Variants in NME5 observed in about 807,000 individuals in gnomAD.
NME5 encodes NME/NM23 family member 5.
Under a neutral mutation model 21.6 loss-of-function variants are expected in NME5, and 18 were observed. The observed-to-expected ratio is 0.83, with a 90% CI of 0.58 to 1.24. The LOEUF is 1.24. NME5 is among the 50% of genes most tolerant of loss of function. The pLI, the probability that NME5 is intolerant of heterozygous loss-of-function variation, is 0.00. For missense variants in NME5, 223 were observed against 255.4 expected (o/e 0.87, Z 0.86); for synonymous variants, 70 against 80.6 (o/e 0.87, Z 0.71).
Position 138,128,578 on chromosome 5 carries a change from G to C in NME5, c.337C>G (p.Leu113Val). The stretch of plus-strand genomic sequence containing the variant: ...TCATCTGTGCCATAAATTGCCCTCA[G>C]ACTAAAAACAAGTTAGAGATGACGT... Reference protein sequence around the residue: ...LVAKETHPDSLRAIYGTDDLR... With the variant: ...LVAKETHPDSVRAIYGTDDLR... Residue 113 changes from leucine to valine, a missense_variant and splice_region_variant, in exon 4 of 6, where the codon CTG becomes GTG. Transcript: ENST00000265191. The C allele has an allele frequency of 6.2e-7, 1 of 1,605,902 alleles. No homozygotes were observed. The highest frequency in any genetic ancestry group is 8.5e-7 in the Non-Finnish European group (1 of 1,176,318).
chr5:138,135,538 T>C (rs1398250180), intron 2 of NME5, among the ~76,000 whole-genome samples: 2 of 151,864 alleles, frequency 1.3e-5, no homozygotes, highest in Non-Finnish European at 1.5e-5. Flanking sequence ...TTTCACCATG[T>C]TGGTCAGGCT....
intron 2 of NME5, among the ~76,000 whole-genome samples, chr5:138,138,088 T>C (rs2151173162): frequency 6.6e-6 from 1 of 152,344 alleles, no homozygotes; most frequent in South Asian, 2.1e-4. Flanking sequence ...GCTATTTATA[T>C]TCACTTTCAA....
At chr5:138,130,606 T>C (rs1290264042) in intron 2 of NME5, among the ~76,000 whole-genome samples, 4 of 151,984 alleles carry the variant, frequency 2.6e-5, no homozygotes, top group Admixed American at 1.3e-4. Context: ...CTGGCCAACA[T>C]AGTGAAACCC....
chr5:138,121,981 C>T (rs538139621), intron 4 of NME5, among the ~76,000 whole-genome samples: 3 of 152,192 alleles, frequency 2.0e-5, no homozygotes, highest in East Asian at 1.9e-4. Context: ...GAATGAGCCA[C>T]TGCACCCAAC....
intron 4 of NME5, chr5:138,123,239 T>C (rs1461682204): frequency 6.6e-6 from 1 of 152,222 alleles, no homozygotes; most frequent in Non-Finnish European, 1.5e-5. Context: ...ATACTTATCT[T>C]TTTTTGTGGT....
chr5:138,129,567 T>G, intron 2 of NME5, 99 bp from the exon 3 acceptor site: 1 of 757,010 alleles, frequency 1.3e-6, no homozygotes, highest in Admixed American at 2.4e-5. Context: ...AATCTGATTA[T>G]AACTTCAAGG....
In NME5 at chr5:138,117,396, G is replaced by C. The variant is rs1319697818; in HGVS notation, c.555+1422C>G. Among the ~76,000 whole-genome samples, 4 of 151,782 alleles carry C rather than the reference G, an allele frequency of 2.6e-5. No individual in the cohort carries two copies. The South Asian group carries it at 8.3e-4, about 32-fold the overall frequency. ...AATGAAAAATGTTTATACATTAAAG[G>C]ACATTATCAAGAAAGTGAAAAGACA... On this transcript the variant is annotated intron_variant, in intron 5 of 5. Coordinates refer to ENST00000265191, the MANE Select transcript of NME5 (RefSeq NM_003551.3).
intron 4 of NME5, among the ~76,000 whole-genome samples, chr5:138,127,908 G>C (rs1016690885): frequency 6.6e-6 from 1 of 152,130 alleles, no homozygotes; most frequent in African/African-American, 2.4e-5. Context: ...TCTAATGCAA[G>C]AGAAAAGAAA....
intron 4 of NME5, among the ~76,000 whole-genome samples, chr5:138,125,353 G>A (rs537133928): frequency 1.3e-5 from 2 of 152,258 alleles, no homozygotes; most frequent in African/African-American, 4.8e-5. Context: ...CTTTGAATTA[G>A]CCATTTATAT....
chr5:138,125,949 TA>T (rs1206160156), intron 4 of NME5, among the ~76,000 whole-genome samples: 1 of 152,234 alleles, frequency 6.6e-6, no homozygotes. Context: ...AACATGCCTT[TA>T]AATATCTTGA....
rs185067297 is a variant in NME5 at position 138,119,620 on chromosome 5, C to T, written c.437-684G>A. 3.6e-3 allele frequency among the ~76,000 whole-genome samples: 541 copies of T among 152,038 alleles called. 1 individual carries two copies. The highest frequency in any genetic ancestry group is 5.9e-3 in the Non-Finnish European group (402 of 67,974). ...AAAGTGCTGAGATTACAGGCATGAG[C>T]CACTGCAACCAGCCTGTTTTCTTTT... is the stretch of plus-strand genomic sequence containing the variant. On this transcript the variant is annotated intron_variant, in intron 4 of 5. Coordinates refer to ENST00000265191, the MANE Select transcript of NME5 (RefSeq NM_003551.3).
intron 4 of NME5, among the ~76,000 whole-genome samples, chr5:138,125,683 C>A (rs755428929): frequency 1.3e-5 from 2 of 152,196 alleles, no homozygotes; most frequent in Non-Finnish European, 2.9e-5. Context: ...GGTACAATCT[C>A]GGCTCACTGT....
chr5:138,131,204 T>TAAAAAAAAAAAA (rs762579967), intron 2 of NME5, among the ~76,000 whole-genome samples: 24 of 80,874 alleles, frequency 3.0e-4, no homozygotes, highest in African/African-American at 1.4e-3. Context: ...CCGTCTCTGC[T>TAAAAAAAAAAAA]AAAAAAAAAA....
At position 138,138,768 on chromosome 5, in the gene NME5, T is replaced by C; in HGVS notation, c.13A>G (p.Met5Val). ...TCTACATATATCTGAGGTGGAGGCA[T>C]TGATATCTCCATTATGGCTTTTCAG... The part of the protein sequence containing the change: MEIS[M>V]PPPQIYVEKT... The change falls in exon 2 of 6, where the codon ATG becomes GTG. Residue 5 changes from methionine to valine, a missense_variant. By Grantham distance (21) the Met-to-Val change is conservative (BLOSUM62 1). Transcript: ENST00000265191. The C allele has an allele frequency of 6.2e-7, 1 of 1,610,580 alleles. No individual in the cohort carries two copies. The highest frequency in any genetic ancestry group is 8.5e-7 in the Non-Finnish European group (1 of 1,179,174).
chr5:138,121,345 T>C (rs1045617027), intron 4 of NME5, among the ~76,000 whole-genome samples: 2 of 152,044 alleles, frequency 1.3e-5, no homozygotes, highest in Non-Finnish European at 2.9e-5. Context: ...GGGAGAATGC[T>C]TGAGCCCAGG....
intron 4 of NME5, among the ~76,000 whole-genome samples, chr5:138,120,228 C>CTTTTTTT (rs1561586430): frequency 2.5e-5 from 1 of 40,394 alleles, no homozygotes. Context: ...CTGCTCCCAG[C>CTTTTTTT]TCTTTTTTTT....
At chr5:138,116,721 G>A (rs1051116026) in intron 5 of NME5, 1 of 153,638 alleles carries the variant, frequency 6.5e-6, no homozygotes, top group Non-Finnish European at 1.5e-5. Flanking sequence ...ACGCATCTAT[G>A]GTCAACAAAT....
At chr5:138,129,492 A>T in intron 2 of NME5, 24 bp from the exon 3 acceptor site, 1 of 1,558,062 alleles carries the variant, frequency 6.4e-7, no homozygotes, top group Non-Finnish European at 8.9e-7. Context: ...AAAGTCAACA[A>T]AAGCATTTAA....
At chr5:138,129,198 A>T in intron 3 of NME5, 65 bp downstream of exon 3, 1 of 1,091,444 alleles carries the variant, frequency 9.2e-7, no homozygotes. Flanking sequence ...ATGAAATCAG[A>T]TTTTTTTTTT....
Sources: gnomAD v4.1 joint callset for allele counts (sites outside exome capture counted in the v4.1 genomes callset) on GRCh38, gnomAD v4.1.1 for gene constraint, MANE v1.5 for transcripts, NCBI Gene and HGNC (gene_info 2026-07-23, HGNC 2026-07-21) for gene names.